TPGS1: variants seen among roughly 807,000 people sequenced by gnomAD.
TPGS1 encodes the protein tubulin polyglutamylase complex subunit 1, also known as gene trap ROSA b-geo 22.
TPGS1 carries 18 observed loss-of-function variants against 11.9 expected under a neutral mutation model. The ratio of observed to expected loss-of-function variants is 1.51; its 90% CI spans 1.04 to 2.24. The LOEUF (loss-of-function observed/expected upper bound fraction) is 2.24. TPGS1 is among the 30% of genes most tolerant of loss of function. The probability of loss-of-function intolerance (pLI) is 0.00; values close to 1 mark genes in which losing one functional copy is unlikely to be tolerated. For synonymous variants in TPGS1, 247 were observed against 218.2 expected, an observed-to-expected ratio of 1.13 and a Z score of -1.16; for missense variants, 500 against 443.0, an observed-to-expected ratio of 1.13 and a Z score of -1.16.
chr19:513,503 G>GAGGCACGTGTTCACCAGGC (rs1314876110), intron 1 of TPGS1, among the ~76,000 whole-genome samples: 2 of 152,116 alleles, frequency 1.3e-5, no homozygotes, highest in Non-Finnish European at 2.9e-5. Context: ...GATGACCAGG[G>GAGGCACGTGTTCACCAGGC]AGGCACGTGT....
rs890863810 is a variant in TPGS1 at position 507,915 on chromosome 19, C to G, written c.338+71C>G. 31 of 1,206,126 alleles carry G rather than the reference C, an allele frequency of 2.6e-5. No homozygotes were observed. In the East Asian group the frequency reaches 7.3e-4, roughly 28 times the overall value. The allele number at this position is 1,206,126 out of a possible 1,614,324, so 74.7% of individuals were successfully genotyped here. A position where few individuals can be genotyped will look rare whatever the true frequency, so the allele number is the denominator to read the frequency against. On this transcript the variant is annotated intron_variant, in intron 1 of 1. Coordinates refer to ENST00000359315, the MANE Select transcript of TPGS1 (RefSeq NM_033513.3). ...AACTCCCAGCATGCCGCGCGCGGCT[C>G]CCTACCCGCAGCGCCGGCGCAGGGG...
rs1979074725 is a variant in TPGS1, at chr19:519,270, C to T, written c.720C>T (p.Phe240=). The change falls in exon 2 of 2, where the codon TTC becomes TTT. Residue 240 remains phenylalanine, a synonymous_variant. Coordinates refer to ENST00000359315, the MANE Select transcript of TPGS1 (RefSeq NM_033513.3). ...GCGACGCCGCCGCGCCCGCGCGCTTCCTGGAGGCCGGCTCGCGCTTGGGGC... is the reference window on the plus strand; with the variant it reads ...GCGACGCCGCCGCGCCCGCGCGCTTTCTGGAGGCCGGCTCGCGCTTGGGGC... ...QASDAAAPAR[F]LEAGSRLGPD... 2 of 1,197,418 alleles carry T rather than the reference C, an allele frequency of 1.7e-6. No homozygotes were observed. Among genetic ancestry groups the T allele is most frequent in the Non-Finnish European group, 2.1e-6 (2 of 967,346 alleles). 74.2% of individuals were successfully genotyped at this position (1,197,418 alleles called of 1,614,324 possible). A position where few individuals can be genotyped will look rare whatever the true frequency, so the allele number is the denominator to read the frequency against.
At chr19:518,852 C>T (rs1424816865) in intron 1 of TPGS1, 37 bp from the exon 2 acceptor site, 1 of 1,469,782 alleles carries the variant, frequency 6.8e-7, no homozygotes, top group Non-Finnish European at 8.9e-7. Flanking sequence ...GGTGGGCGCG[C>T]GGTCTCTGCC....
chr19:517,888 G>A, intron 1 of TPGS1, among the ~76,000 whole-genome samples: 1 of 130,966 alleles, frequency 7.6e-6, no homozygotes, highest in Non-Finnish European at 1.6e-5. Flanking sequence ...GGCTGGGTGG[G>A]GGCTGGGAGG....
chr19:508,581 C>T (rs1317314686), intron 1 of TPGS1: 1 of 152,076 alleles, frequency 6.6e-6, no homozygotes, highest in African/African-American at 2.4e-5. Flanking sequence ...GGGGGGTCCC[C>T]AGAAGCGGAG....
intron 1 of TPGS1, among the ~76,000 whole-genome samples, chr19:515,410 A>AG (rs922762883): frequency 5.9e-5 from 9 of 151,706 alleles, no homozygotes; most frequent in African/African-American, 9.7e-5. Flanking sequence ...CAAAAAAAAA[A>AG]AAAAAAGAAA....
chr19:507,689 G>T lies in TPGS1; in HGVS notation c.183G>T (p.Glu61Asp). 7.2e-7 allele frequency: 1 copy of T among 1,380,704 alleles called. No homozygotes were observed. 85.5% of individuals were successfully genotyped at this position (1,380,704 alleles called of 1,614,324 possible). ...ALLKVLEARPEEPIAFLAHYF... is the reference protein window; with the variant it reads ...ALLKVLEARPDEPIAFLAHYF... ...TGAAGGTGCTGGAGGCGCGGCCCGAGGAGCCGATCGCCTTCCTGGCTCACT... is the reference window on the plus strand; with the variant it reads ...TGAAGGTGCTGGAGGCGCGGCCCGATGAGCCGATCGCCTTCCTGGCTCACT... The change falls in exon 1 of 2, where the codon GAG becomes GAT. Residue 61 changes from glutamate to aspartate, a missense_variant. Transcript: ENST00000359315.
Position 519,371 on chromosome 19 carries a change from T to C in TPGS1, c.821T>C (p.Phe274Ser). The change falls in exon 2 of 2, where the codon TTT becomes TCT. Residue 274 changes from phenylalanine (F) to serine (S), a missense_variant. Physicochemically the swap from Phe to Ser is radical, Grantham distance 155. Transcript: ENST00000359315. ...AGCGCGCCCATGACCCGCGAGGAGT[T>C]TCTGGAGAGGGCCGCCGCGCTCTTC... Reference protein sequence around the residue: ...RPSAPMTREEFLERAAALFIA... With the variant: ...RPSAPMTREESLERAAALFIA... 8.2e-7 allele frequency: 1 copy of C among 1,218,936 alleles called. No individual in the cohort carries two copies. 75.5% of individuals were successfully genotyped at this position (1,218,936 alleles called of 1,614,324 possible).
At chr19:515,413 A>G (rs1001167162) in intron 1 of TPGS1, among the ~76,000 whole-genome samples, 2 of 151,610 alleles carry the variant, frequency 1.3e-5, no homozygotes, top group Admixed American at 6.6e-5. Flanking sequence ...AAAAAAAAAA[A>G]AAAGAAAAAA....
At chr19:511,651 C>A (rs1978799196) in intron 1 of TPGS1, among the ~76,000 whole-genome samples, 1 of 152,250 alleles carries the variant, frequency 6.6e-6, no homozygotes, top group Admixed American at 6.5e-5. Flanking sequence ...GCCCTGCACA[C>A]CGAGGGGCCG....
chr19:518,665 A>G (rs1467072059), intron 1 of TPGS1, among the ~76,000 whole-genome samples: 2 of 98,786 alleles, frequency 2.0e-5, no homozygotes, highest in Non-Finnish European at 4.0e-5. Context: ...TGCTGCGGGG[A>G]GGAGAGGCCC....
intron 1 of TPGS1, among the ~76,000 whole-genome samples, chr19:512,922 G>C (rs559093354): frequency 1.8e-4 from 28 of 152,360 alleles, no homozygotes; most frequent in African/African-American, 6.7e-4. Context: ...GGGAGCACCT[G>C]CAGCCGCTGC....
intron 1 of TPGS1, among the ~76,000 whole-genome samples, chr19:511,853 G>T (rs1324472590): frequency 6.6e-6 from 1 of 151,334 alleles, no homozygotes; most frequent in Non-Finnish European, 1.5e-5. Flanking sequence ...CGCTTACTCT[G>T]CAGGGGACGT....
At chr19:516,388 C>CTTT (rs758220492) in intron 1 of TPGS1, among the ~76,000 whole-genome samples, 77 of 144,402 alleles carry the variant, frequency 5.3e-4, no homozygotes, top group African/African-American at 1.7e-3. Flanking sequence ...TTTTCTTTTT[C>CTTT]TTTTTTTTTT....
In TPGS1 at chr19:519,485, GA is replaced by G; in HGVS notation, c.*63del. Reference sequence around the variant, plus strand: ...GGGGTCCCCGCGTGCGGGGCGCGCGGAGCCTTCCCTTCGCCCTGGTGAGGCC... The same window carrying G: ...GGGGTCCCCGCGTGCGGGGCGCGCGGGCCTTCCCTTCGCCCTGGTGAGGCC... On this transcript the variant is annotated 3_prime_UTR_variant, in exon 2 of 2. Coordinates refer to ENST00000359315, the MANE Select transcript of TPGS1 (RefSeq NM_033513.3). The G allele has an allele frequency of 8.6e-7, 1 of 1,167,106 alleles. No homozygotes were observed. The highest frequency in any genetic ancestry group is 4.2e-5 in the South Asian group (1 of 23,768). The allele number at this position is 1,167,106 out of a possible 1,614,324, so 72.3% of individuals were successfully genotyped here. A position where few individuals can be genotyped will look rare whatever the true frequency, so the allele number is the denominator to read the frequency against.
At chr19:518,752 TGGG>T in intron 1 of TPGS1, 134 bp from the exon 2 acceptor site, 1 of 733,778 alleles carries the variant, frequency 1.4e-6, no homozygotes, top group Non-Finnish European at 1.8e-6. Context: ...AGGCCGGGGA[TGGG>T]GGGTAGGAGG....
At chr19:518,760 A>C in intron 1 of TPGS1, 129 bp from the exon 2 acceptor site, 8 of 822,290 alleles carry the variant, frequency 9.7e-6, no homozygotes, top group South Asian at 2.5e-5. Flanking sequence ...GATGGGGGGT[A>C]GGAGGAGAGG....
chr19:519,513 T>C lies in TPGS1; in HGVS notation c.*90T>C. On this transcript the variant is annotated 3_prime_UTR_variant, in exon 2 of 2. Transcript: ENST00000359315. ...CCTTCCCTTCGCCCTGGTGAGGCCC[T>C]GCCATAACCAGGCGCCCAGCCCTGC... 1 of 1,102,640 alleles carries C rather than the reference T, an allele frequency of 9.1e-7. No individual in the cohort carries two copies. The highest frequency in any genetic ancestry group is 4.2e-5 in the East Asian group (1 of 23,996). The allele number at this position is 1,102,640 out of a possible 1,614,324, so 68.3% of individuals were successfully genotyped here.
At chr19:511,090 C>T (rs907001068) in intron 1 of TPGS1, among the ~76,000 whole-genome samples, 1 of 152,268 alleles carries the variant, frequency 6.6e-6, no homozygotes, top group African/African-American at 2.4e-5. Flanking sequence ...TTACAAACCG[C>T]TCTGTGTAGG....
Sources: gnomAD v4.1 joint callset for allele counts (sites outside exome capture counted in the v4.1 genomes callset) on GRCh38, gnomAD v4.1.1 for gene constraint, MANE v1.5 for transcripts, NCBI Gene and HGNC (gene_info 2026-07-23, HGNC 2026-07-21) for gene names.